The following MTHFD2L variants were observed in gnomAD, a reference collection of about 807,000 sequenced individuals.
MTHFD2L encodes the protein bifunctional methylenetetrahydrofolate dehydrogenase/cyclohydrolase 2, mitochondrial.
Under a neutral mutation model 34.9 loss-of-function variants are expected in MTHFD2L, and 29 were observed. The ratio of observed to expected loss-of-function variants is 0.83; its 90% CI spans 0.62 to 1.13. The LOEUF is 1.13. MTHFD2L is among the 50% of genes most tolerant of loss of function. The probability of loss-of-function intolerance (pLI) is 0.00; values close to 1 mark genes in which losing one functional copy is unlikely to be tolerated. For synonymous variants in MTHFD2L, 167 were observed against 155.7 expected (o/e 1.07, Z -0.54); for missense variants, 481 against 446.5 (o/e 1.08, Z -0.70).
intron 1 of MTHFD2L, among the ~76,000 whole-genome samples, chr4:74,172,503 A>C (rs1262258638): frequency 6.6e-6 from 1 of 152,214 alleles, no homozygotes; most frequent in Non-Finnish European, 1.5e-5. Context: ...TCTAGTTGTG[A>C]TTGTATTGTC....
chr4:74,157,760 C>A (rs928541665), upstream of MTHFD2L: 2 of 478,048 alleles, frequency 4.2e-6, no homozygotes, highest in African/African-American at 2.0e-5. Context: ...TGGGCAGGAT[C>A]TCTGGCTTGG....
At chr4:74,144,744 G>A (rs1723487259) in intron 1 of MTHFD2L, among the ~76,000 whole-genome samples, 1 of 152,026 alleles carries the variant, frequency 6.6e-6, no homozygotes, top group African/African-American at 2.4e-5. Flanking sequence ...TGTTGGCTTT[G>A]TTTTTTCTCT....
At chr4:74,185,440 A>G (rs1396779005) in intron 3 of MTHFD2L, among the ~76,000 whole-genome samples, 1 of 152,040 alleles carries the variant, frequency 6.6e-6, no homozygotes, top group Non-Finnish European at 1.5e-5. Flanking sequence ...AGAGCAAATT[A>G]AACACAACAT....
intron 6 of MTHFD2L, among the ~76,000 whole-genome samples, chr4:74,271,362 G>T (rs1745958482): frequency 6.6e-6 from 1 of 152,292 alleles, no homozygotes; most frequent in South Asian, 2.1e-4. Context: ...GTGTAAGGAA[G>T]GGATCCAGTT....
intron 6 of MTHFD2L, among the ~76,000 whole-genome samples, chr4:74,266,641 G>A (rs1745317813): frequency 6.6e-6 from 1 of 152,058 alleles, no homozygotes; most frequent in South Asian, 2.1e-4. Context: ...CAACTCTCCT[G>A]ACTTTTCGAA....
intron 7 of MTHFD2L, among the ~76,000 whole-genome samples, chr4:74,300,475 T>G (rs977694732): frequency 2.6e-5 from 4 of 152,048 alleles, no homozygotes; most frequent in African/African-American, 7.2e-5. Flanking sequence ...CATGCAGAAG[T>G]CTATATGAGC....
In MTHFD2L at chr4:74,158,135, G is replaced by T; in HGVS notation, c.-4G>T. ...CCCAGTCCGGAAGCCGGGGATCCGCGGCCATGACGGTGCCGGTCCGCGGCT... is the reference window on the plus strand; with the variant it reads ...CCCAGTCCGGAAGCCGGGGATCCGCTGCCATGACGGTGCCGGTCCGCGGCT... On this transcript the variant is annotated 5_prime_UTR_variant, in exon 1 of 8. Coordinates refer to ENST00000325278, the MANE Select transcript of MTHFD2L (RefSeq NM_001144978.3). The T allele has an allele frequency of 2.0e-6, 3 of 1,530,674 alleles. No individual in the cohort carries two copies. Among genetic ancestry groups the T allele is most frequent in the Middle Eastern group, 1.7e-4 (1 of 5,754 alleles). The allele number at this position is 1,530,674 out of a possible 1,614,324, so 94.8% of individuals were successfully genotyped here.
intron 6 of MTHFD2L, among the ~76,000 whole-genome samples, chr4:74,253,295 A>G (rs1459949564): frequency 1.3e-5 from 2 of 152,196 alleles, no homozygotes; most frequent in Non-Finnish European, 2.9e-5. Context: ...ATTAATAATT[A>G]TATTTGGGGT....
intron 5 of MTHFD2L, among the ~76,000 whole-genome samples, chr4:74,218,973 A>G (rs1737681539): frequency 1.3e-5 from 2 of 152,024 alleles, no homozygotes; most frequent in South Asian, 4.1e-4. Context: ...AAAAAATATA[A>G]ATAACAACAA....
At chr4:74,118,849 T>C (rs1384003371), upstream of MTHFD2L, among the ~76,000 whole-genome samples, 11 of 152,164 alleles carry the variant, frequency 7.2e-5, no homozygotes, top group Non-Finnish European at 1.3e-4. Flanking sequence ...GTCGGATCAG[T>C]GGTGGCATTA....
intron 3 of MTHFD2L, among the ~76,000 whole-genome samples, chr4:74,199,068 T>C (rs1273916656): frequency 2.0e-5 from 3 of 152,160 alleles, no homozygotes; most frequent in Non-Finnish European, 4.4e-5. Flanking sequence ...GGTTAATTGT[T>C]AGGTTAGTGA....
intron 5 of MTHFD2L, among the ~76,000 whole-genome samples, chr4:74,206,483 A>C (rs1392478888): frequency 6.6e-6 from 1 of 152,156 alleles, no homozygotes; most frequent in Non-Finnish European, 1.5e-5. Context: ...GCATACGGTT[A>C]GATAGATATG....
chr4:74,181,738 A>G (rs1306786931), intron 3 of MTHFD2L: 1 of 152,194 alleles, frequency 6.6e-6, no homozygotes, highest in Admixed American at 6.6e-5. Context: ...ATTCAAGGGA[A>G]TTGGACAAAG....
At chr4:74,251,043 G>A (rs1405427386) in intron 6 of MTHFD2L, among the ~76,000 whole-genome samples, 2 of 152,048 alleles carry the variant, frequency 1.3e-5, no homozygotes, top group Non-Finnish European at 2.9e-5. Context: ...CCTTCTCCAC[G>A]ACTTCAGATT....
chr4:74,193,200 A>C (rs533386211), intron 3 of MTHFD2L, among the ~76,000 whole-genome samples: 126 of 152,274 alleles, frequency 8.3e-4, no homozygotes, highest in African/African-American at 3.0e-3. Context: ...TTCAAGTACT[A>C]TTTGTTGAAA....
At chr4:74,137,055 T>C (rs1578239409) in intron 1 of MTHFD2L, among the ~76,000 whole-genome samples, 1 of 152,200 alleles carries the variant, frequency 6.6e-6, no homozygotes, top group Admixed American at 6.5e-5. Context: ...GACAATGATC[T>C]GGACAAAGAT....
chr4:74,237,276 T>C (rs1460016), intron 6 of MTHFD2L, among the ~76,000 whole-genome samples: 101,565 of 152,042 alleles, frequency 0.67, 35,615 homozygotes, highest in Middle Eastern at 0.79. Context: ...TATTTGTGTT[T>C]CTTGTACCTG....
At chr4:74,226,095 C>T (rs1241942097) in intron 6 of MTHFD2L, among the ~76,000 whole-genome samples, 1 of 151,902 alleles carries the variant, frequency 6.6e-6, no homozygotes, top group Non-Finnish European at 1.5e-5. Context: ...AGTTCCTTAT[C>T]ACTACAGTGA....
intron 6 of MTHFD2L, among the ~76,000 whole-genome samples, chr4:74,263,470 T>C (rs1744924875): frequency 6.6e-6 from 1 of 152,028 alleles, no homozygotes; most frequent in South Asian, 2.1e-4. Context: ...ATGGAATGTT[T>C]TTCCATTTTT....
Sources: gnomAD v4.1 joint callset for allele counts (sites outside exome capture counted in the v4.1 genomes callset) on GRCh38, gnomAD v4.1.1 for gene constraint, MANE v1.5 for transcripts, NCBI Gene and HGNC (gene_info 2026-07-23, HGNC 2026-07-21) for gene names.